CSMD3: variants seen among roughly 807,000 people sequenced by gnomAD.
The protein encoded by CSMD3 is CUB and sushi domain-containing protein 3.
Under a neutral mutation model 435.2 loss-of-function variants are expected in CSMD3, and 177 were observed. The ratio of observed to expected loss-of-function variants is 0.41; its 90% confidence interval spans 0.36 to 0.46. CSMD3 has a LOEUF of 0.46. Ranked by LOEUF, CSMD3 falls within the 20% of genes least tolerant of loss-of-function variation. The pLI, the probability that CSMD3 is intolerant of heterozygous loss-of-function variation, is 0.34. For missense variants in CSMD3, 4,265 were observed against 4,504.6 expected (o/e 0.95, Z 1.52); for synonymous variants, 1,656 against 1,520.5 (o/e 1.09, Z -2.07).
chr8:112,552,495 A>G, intron 26 of CSMD3, 99 bp downstream of exon 26: 2 of 1,284,850 alleles, frequency 1.6e-6, no homozygotes, highest in South Asian at 2.5e-5. Flanking sequence ...AAGAAAAACA[A>G]ACAAACAAAA....
chr8:112,860,397 T>C (rs984307807), intron 10 of CSMD3, among the ~76,000 whole-genome samples: 2 of 151,774 alleles, frequency 1.3e-5, no homozygotes, highest in Non-Finnish European at 3.0e-5. Context: ...TAAAATCATA[T>C]TATTTTGTAT....
At chr8:112,321,631 A>G (rs537121175) in intron 45 of CSMD3, among the ~76,000 whole-genome samples, 222 of 152,232 alleles carry the variant, frequency 1.5e-3, no homozygotes, top group African/African-American at 5.2e-3. Flanking sequence ...GAAAAGAAAG[A>G]CTTTTCAAAA....
At chr8:112,500,315 A>G (rs1200319760) in intron 30 of CSMD3, among the ~76,000 whole-genome samples, 2 of 151,962 alleles carry the variant, frequency 1.3e-5, no homozygotes, top group Non-Finnish European at 2.9e-5. Flanking sequence ...GAATGAAAGG[A>G]ACTAGTTTTT....
chr8:112,582,769 T>G (rs909430757), intron 23 of CSMD3, among the ~76,000 whole-genome samples: 20 of 151,962 alleles, frequency 1.3e-4, no homozygotes, highest in African/African-American at 4.8e-4. Context: ...AGTGAGGCCT[T>G]TGGGAGGCTA....
intron 5 of CSMD3, among the ~76,000 whole-genome samples, chr8:113,031,404 A>G (rs941854805): frequency 7.3e-5 from 11 of 151,722 alleles, no homozygotes; most frequent in Admixed American, 2.0e-4. Context: ...CAAAGGAAAA[A>G]GCGAATCTCA....
intron 4 of CSMD3, among the ~76,000 whole-genome samples, chr8:113,139,257 A>G (rs1484063214): frequency 1.3e-5 from 2 of 151,012 alleles, no homozygotes; most frequent in Non-Finnish European, 3.0e-5. Flanking sequence ...AAAAAATAAA[A>G]GAGTAAGCAA....
intron 35 of CSMD3, among the ~76,000 whole-genome samples, chr8:112,391,317 T>G (rs889516419): frequency 2.6e-5 from 4 of 152,120 alleles, no homozygotes; most frequent in African/African-American, 7.2e-5. Context: ...CAACAACTAA[T>G]GAGATGACTA....
intron 3 of CSMD3, among the ~76,000 whole-genome samples, chr8:113,241,178 C>T (rs1459811202): frequency 1.3e-5 from 2 of 152,044 alleles, no homozygotes; most frequent in Admixed American, 1.3e-4. Flanking sequence ...TGGGACATTT[C>T]TAATCTCAAA....
At chr8:113,007,152 G>A (rs540850440) in intron 6 of CSMD3, among the ~76,000 whole-genome samples, 8 of 152,026 alleles carry the variant, frequency 5.3e-5, no homozygotes, top group South Asian at 2.1e-4. Flanking sequence ...AAGGGAGACC[G>A]TAAAGAAAAA....
chr8:113,333,263 T>C (rs942330133), intron 1 of CSMD3, among the ~76,000 whole-genome samples: 3 of 151,784 alleles, frequency 2.0e-5, no homozygotes, highest in Non-Finnish European at 3.0e-5. Flanking sequence ...GTGTATGACA[T>C]AGCAAAAGTT....
chr8:112,967,618 C>T (rs2084473149), intron 7 of CSMD3, among the ~76,000 whole-genome samples: 1 of 151,774 alleles, frequency 6.6e-6, no homozygotes, highest in Admixed American at 6.6e-5. Context: ...CTTTCCTTAC[C>T]ATCCAAACTA....
chr8:112,668,737 G>A (rs2075585350), intron 16 of CSMD3, among the ~76,000 whole-genome samples: 2 of 151,808 alleles, frequency 1.3e-5, no homozygotes, highest in Non-Finnish European at 2.9e-5. Context: ...AAAAGTATAG[G>A]AACCAACTTT....
chr8:113,348,413 G>A (rs2094166380), intron 1 of CSMD3, among the ~76,000 whole-genome samples: 1 of 152,128 alleles, frequency 6.6e-6, no homozygotes, highest in Non-Finnish European at 1.5e-5. Context: ...ATGAACTCAT[G>A]TCCTTTGCTG....
At chr8:112,329,973 C>T (rs1379316654) in intron 45 of CSMD3, among the ~76,000 whole-genome samples, 4 of 151,998 alleles carry the variant, frequency 2.6e-5, no homozygotes, top group Admixed American at 6.6e-5. Flanking sequence ...TACACGATGT[C>T]CATACCCCCG....
intron 13 of CSMD3, among the ~76,000 whole-genome samples, chr8:112,728,889 A>G (rs187845609): frequency 1.8e-4 from 28 of 152,178 alleles, no homozygotes; most frequent in Admixed American, 1.8e-3. Flanking sequence ...AATTAAAATA[A>G]CTTTTAAAAT....
chr8:113,133,556 T>A (rs2091339607), intron 4 of CSMD3, among the ~76,000 whole-genome samples: 1 of 152,134 alleles, frequency 6.6e-6, no homozygotes, highest in South Asian at 2.1e-4. Context: ...AACTACCATA[T>A]GATCCAGCAA....
intron 32 of CSMD3, among the ~76,000 whole-genome samples, chr8:112,464,520 C>T (rs7816844): frequency 0.25 from 37,398 of 151,590 alleles, 5,165 homozygotes; most frequent in African/African-American, 0.37. Context: ...GTAAGGAGAC[C>T]TTCCCTCCTC....
At chr8:112,917,614 C>T (rs1029346400) in intron 10 of CSMD3, among the ~76,000 whole-genome samples, 1 of 151,954 alleles carries the variant, frequency 6.6e-6, no homozygotes, top group African/African-American at 2.4e-5. Flanking sequence ...ACCACCAACA[C>T]ATTGTCTCCA....
chr8:112,663,249 A>G (rs2075431175), intron 17 of CSMD3, among the ~76,000 whole-genome samples: 1 of 152,102 alleles, frequency 6.6e-6, no homozygotes, highest in African/African-American at 2.4e-5. Flanking sequence ...ATGTCCAACA[A>G]TGATAGACTG....
Sources: gnomAD v4.1 joint callset for allele counts (sites outside exome capture counted in the v4.1 genomes callset) on GRCh38, gnomAD v4.1.1 for gene constraint, MANE v1.5 for transcripts, NCBI Gene and HGNC (gene_info 2026-07-23, HGNC 2026-07-21) for gene names.